TXNDC16: variants seen among roughly 807,000 people sequenced by gnomAD.
TXNDC16 encodes thioredoxin domain-containing protein 16.
Under a neutral mutation model 85.6 loss-of-function variants are expected in TXNDC16, and 74 were observed. The ratio of observed to expected loss-of-function variants is 0.86; its 90% CI spans 0.72 to 1.05. TXNDC16 has a LOEUF of 1.05. TXNDC16 is among the 50% of genes least tolerant of loss of function. The pLI is 0.00. For synonymous variants in TXNDC16, 335 were observed against 326.5 expected (o/e 1.03, Z -0.28); for missense variants, 959 against 947.0 (o/e 1.01, Z -0.17).
intron 9 of TXNDC16, among the ~76,000 whole-genome samples, chr14:52,508,766 G>A (rs966263328): frequency 6.6e-6 from 1 of 152,118 alleles, no homozygotes; most frequent in Non-Finnish European, 1.5e-5. Context: ...GTCCTTTGTA[G>A]GGACATGGAT....
At chr14:52,548,083 A>T (rs1287558255) in intron 1 of TXNDC16, among the ~76,000 whole-genome samples, 2 of 152,180 alleles carry the variant, frequency 1.3e-5, no homozygotes, top group Non-Finnish European at 2.9e-5. Flanking sequence ...TTACACTCAA[A>T]ATTAGGCCTT....
chr14:52,440,800 C>A (rs144790051), intron 18 of TXNDC16, 76 bp from the exon 19 acceptor site: 3 of 1,354,990 alleles, frequency 2.2e-6, no homozygotes, highest in Non-Finnish European at 3.0e-6. Context: ...ACATTCAAAT[C>A]ACTCAGTCAA....
intron 6 of TXNDC16, among the ~76,000 whole-genome samples, chr14:52,525,458 G>A (rs1278571864): frequency 1.3e-5 from 2 of 151,338 alleles, no homozygotes; most frequent in Non-Finnish European, 2.9e-5. Context: ...TTAGGAGGCC[G>A]AGGTGGGCGG....
chr14:52,432,999 T>C (rs2140095905), intron 20 of TXNDC16, among the ~76,000 whole-genome samples: 1 of 152,302 alleles, frequency 6.6e-6, no homozygotes, highest in African/African-American at 2.4e-5. Context: ...CTATTTCTTA[T>C]AAATCATTCG....
At chr14:52,482,349 G>T in intron 13 of TXNDC16, 60 bp from the exon 14 acceptor site, 1 of 1,358,978 alleles carries the variant, frequency 7.4e-7, no homozygotes. Flanking sequence ...CATCCACACT[G>T]ATATGTAACA....
chr14:52,517,884 G>A (rs188020165), intron 7 of TXNDC16, among the ~76,000 whole-genome samples: 4 of 152,132 alleles, frequency 2.6e-5, no homozygotes, highest in African/African-American at 9.6e-5. Flanking sequence ...GCCTTCAATT[G>A]CTCTCTACCT....
chr14:52,494,709 G>A (rs1375036749), intron 9 of TXNDC16, among the ~76,000 whole-genome samples: 1 of 152,172 alleles, frequency 6.6e-6, no homozygotes, highest in Non-Finnish European at 1.5e-5. Flanking sequence ...GTAAAGTGAA[G>A]CCATTTATGA....
intron 14 of TXNDC16, among the ~76,000 whole-genome samples, chr14:52,479,462 A>G (rs895239470): frequency 1.3e-5 from 2 of 152,154 alleles, no homozygotes; most frequent in African/African-American, 4.8e-5. Flanking sequence ...CAATTCAGCA[A>G]AGTACCCAGA....
chr14:52,531,250 G>C (rs1360047808), intron 6 of TXNDC16, among the ~76,000 whole-genome samples: 2 of 152,084 alleles, frequency 1.3e-5, no homozygotes, highest in East Asian at 1.9e-4. Context: ...CACTTTGGAA[G>C]GCAGCTAGCA....
intron 1 of TXNDC16, among the ~76,000 whole-genome samples, chr14:52,551,830 C>A (rs1246496581): frequency 6.6e-6 from 1 of 152,152 alleles, no homozygotes; most frequent in Non-Finnish European, 1.5e-5. Flanking sequence ...GGAATTTAAA[C>A]AGTACAGAAT....
chr14:52,443,100 A>G (rs1382352346), intron 18 of TXNDC16, among the ~76,000 whole-genome samples: 2 of 152,258 alleles, frequency 1.3e-5, no homozygotes, highest in East Asian at 3.9e-4. Context: ...TCAAAGATTA[A>G]CATTTGAGTC....
intron 6 of TXNDC16, among the ~76,000 whole-genome samples, chr14:52,531,231 T>C (rs2037571757): frequency 6.6e-6 from 1 of 152,124 alleles, no homozygotes; most frequent in East Asian, 1.9e-4. Flanking sequence ...GAATGCGAAA[T>C]GGTACAGCCA....
At chr14:52,434,884 C>T (rs1249235973) in intron 20 of TXNDC16, among the ~76,000 whole-genome samples, 1 of 152,116 alleles carries the variant, frequency 6.6e-6, no homozygotes, top group East Asian at 1.9e-4. Flanking sequence ...GATGGAAACC[C>T]GTAAAGAATG....
chr14:52,448,057 A>G (rs936208983), intron 18 of TXNDC16, among the ~76,000 whole-genome samples: 7 of 152,032 alleles, frequency 4.6e-5, no homozygotes, highest in African/African-American at 1.7e-4. Flanking sequence ...TCTAGAAAAT[A>G]GCCTCAAAAG....
chr14:52,536,620 G>A, intron 6 of TXNDC16, 99 bp downstream of exon 6: 1 of 1,107,620 alleles, frequency 9.0e-7, no homozygotes, highest in Non-Finnish European at 1.3e-6. Context: ...CAAATATAAT[G>A]TTAAAACCCT....
intron 16 of TXNDC16, among the ~76,000 whole-genome samples, chr14:52,464,026 A>C (rs1170844935): frequency 3.3e-5 from 5 of 152,226 alleles, no homozygotes; most frequent in African/African-American, 9.6e-5. Context: ...ATTCTGGCAC[A>C]CCAGAACTAC....
intron 7 of TXNDC16, among the ~76,000 whole-genome samples, chr14:52,517,937 A>G (rs1283611181): frequency 6.6e-6 from 1 of 151,702 alleles, no homozygotes; most frequent in Non-Finnish European, 1.5e-5. Flanking sequence ...AACCCCTACC[A>G]CTCTACAGAA....
At chr14:52,451,594 A>C (rs1355150955) in intron 18 of TXNDC16, among the ~76,000 whole-genome samples, 4 of 152,114 alleles carry the variant, frequency 2.6e-5, no homozygotes, top group Non-Finnish European at 4.4e-5. Flanking sequence ...AAGGACAAAA[A>C]CCATATGATC....
intron 14 of TXNDC16, among the ~76,000 whole-genome samples, chr14:52,481,209 G>T (rs888343905): frequency 6.6e-6 from 1 of 151,690 alleles, no homozygotes; most frequent in Non-Finnish European, 1.5e-5. Flanking sequence ...TGGGAATAGG[G>T]TAAGAAATAC....
Sources: gnomAD v4.1 joint callset for allele counts (sites outside exome capture counted in the v4.1 genomes callset) on GRCh38, gnomAD v4.1.1 for gene constraint, MANE v1.5 for transcripts, NCBI Gene and HGNC (gene_info 2026-07-23, HGNC 2026-07-21) for gene names.